Variants in SLC5A4 observed in about 807,000 individuals in gnomAD.
SLC5A4 encodes the protein solute carrier family 5 member 4, also known as probable glucose sensor protein SLC5A4.
SLC5A4 carries 55 observed loss-of-function variants against 70.3 expected under a neutral mutation model. The ratio of observed to expected loss-of-function variants is 0.78; its 90% CI spans 0.63 to 0.98. SLC5A4 has a LOEUF of 0.98. Among genes scored for constraint, SLC5A4 ranks in the 50% least tolerant of loss-of-function variants. The probability of loss-of-function intolerance (pLI) is 0.00; values close to 1 mark genes in which losing one functional copy is unlikely to be tolerated. For missense variants in SLC5A4, 735 were observed against 839.2 expected (o/e 0.88, Z 1.53); for synonymous variants, 268 against 305.7 (o/e 0.88, Z 1.29).
intron 7 of SLC5A4, among the ~76,000 whole-genome samples, 158 bp from the exon 8 acceptor site, chr22:32,235,251 C>T (rs550070523): frequency 1.2e-4 from 19 of 152,212 alleles, no homozygotes; most frequent in South Asian, 1.0e-3. Context: ...CTGGTACCTC[C>T]GCTGGCATTG....
At chr22:32,353,781 C>T in the SLC5A4 span, among the ~76,000 whole-genome samples, 1 of 150,808 alleles carries the variant, frequency 6.6e-6, no homozygotes. Context: ...ATAGCGCCCC[C>T]AATCCGCTCC....
At chr22:32,269,183 G>A in the SLC5A4 span, among the ~76,000 whole-genome samples, 1 of 152,174 alleles carries the variant, frequency 6.6e-6, no homozygotes, top group East Asian at 1.9e-4. The surrounding 1 kb of genome is among the most constrained non-coding windows in gnomAD (Gnocchi z 4.1). Flanking sequence ...GAGCCACCAC[G>A]AGCGGCTGCA....
the SLC5A4 span, chr22:32,270,772 GTCA>G: frequency 1.1e-5 from 7 of 620,696 alleles, no homozygotes; most frequent in Non-Finnish European, 2.1e-5. Flanking sequence ...CCCCTGCGTG[GTCA>G]TCATGAGTGC....
chr22:32,261,884 T>C, the SLC5A4 span, among the ~76,000 whole-genome samples: 3 of 152,206 alleles, frequency 2.0e-5, no homozygotes, highest in African/African-American at 7.2e-5. Flanking sequence ...AGTTCAACTG[T>C]TTTGATTTTT....
the SLC5A4 span, among the ~76,000 whole-genome samples, chr22:32,331,588 G>A: frequency 1.3e-5 from 2 of 152,160 alleles, no homozygotes; most frequent in Non-Finnish European, 2.9e-5. Flanking sequence ...AAGGCAAGCG[G>A]TGGGGTGGAG....
At chr22:32,310,365 G>C in the SLC5A4 span, among the ~76,000 whole-genome samples, 3 of 152,322 alleles carry the variant, frequency 2.0e-5, no homozygotes, top group East Asian at 5.8e-4. Flanking sequence ...GCTGCTCTCA[G>C]TGGCAGAGCT....
At chr22:32,285,727 A>C in the SLC5A4 span, among the ~76,000 whole-genome samples, 1 of 123,052 alleles carries the variant, frequency 8.1e-6, no homozygotes, top group African/African-American at 3.2e-5. Context: ...ATTTTATTTT[A>C]TTTTTTATTT....
chr22:32,336,758 G>A, the SLC5A4 span, among the ~76,000 whole-genome samples: 2 of 152,310 alleles, frequency 1.3e-5, no homozygotes, highest in South Asian at 4.1e-4. Flanking sequence ...TTTGGCTGAA[G>A]ACATTGATTT....
At chr22:32,238,927 G>A in intron 6 of SLC5A4, 58 bp downstream of exon 6, 1 of 1,157,288 alleles carries the variant, frequency 8.6e-7, no homozygotes. Flanking sequence ...GCTAATTGCA[G>A]GTTGGGGTGG....
Position 32,218,604 on chromosome 22 carries a change from C to T in SLC5A4, c.1890G>A (p.Thr630=), listed in dbSNP as rs755419066. 29 of 1,613,916 alleles carry T rather than the reference C, an allele frequency of 1.8e-5. No individual in the cohort carries two copies. Among genetic ancestry groups the T allele is most frequent in the Middle Eastern group, 1.7e-4 (1 of 6,060 alleles). ...EEALSKKLTD[T]SERPSWRTIV... ...TTGTCCTCCACGAGGGCCTCTCAGA[C>T]GTGTCTGTGAGCTTCTTGCTCAAGG... Residue 630 remains threonine, a synonymous_variant, in exon 15 of 15, where the codon ACG becomes ACA. Transcript: ENST00000266086.
At chr22:32,348,418 G>C in the SLC5A4 span, among the ~76,000 whole-genome samples, 10 of 152,188 alleles carry the variant, frequency 6.6e-5, no homozygotes, top group African/African-American at 2.4e-4. Flanking sequence ...TGAGTCTGGT[G>C]GGGGCCAGCA....
At chr22:32,302,615 C>A in the SLC5A4 span, among the ~76,000 whole-genome samples, 13 of 152,122 alleles carry the variant, frequency 8.5e-5, no homozygotes, top group Non-Finnish European at 1.8e-4. Context: ...GCCCCTTAGC[C>A]AAAAACCAAT....
the SLC5A4 span, among the ~76,000 whole-genome samples, chr22:32,307,820 G>A: frequency 8.5e-4 from 130 of 152,314 alleles, no homozygotes; most frequent in Non-Finnish European, 1.5e-3. Flanking sequence ...TGATTAGGGC[G>A]TCATCCAGGC....
chr22:32,352,722 G>A, the SLC5A4 span, among the ~76,000 whole-genome samples: 92 of 152,312 alleles, frequency 6.0e-4, 1 homozygote, highest in Non-Finnish European at 8.2e-4. Flanking sequence ...AACTAGCACC[G>A]ATGCTAATAC....
the SLC5A4 span, among the ~76,000 whole-genome samples, chr22:32,265,533 TTTG>T: frequency 6.6e-5 from 10 of 152,220 alleles, no homozygotes; most frequent in Non-Finnish European, 1.5e-5. Context: ...ATAGTAATTA[TTTG>T]TTGTCTACTT....
the SLC5A4 span, among the ~76,000 whole-genome samples, chr22:32,340,581 A>G: frequency 1.3e-5 from 2 of 152,174 alleles, no homozygotes; most frequent in Admixed American, 6.5e-5. Flanking sequence ...GGCTGCTTCT[A>G]TTTTGTAAAC....
chr22:32,278,458 GTCTT>G, the SLC5A4 span, among the ~76,000 whole-genome samples: 2 of 152,196 alleles, frequency 1.3e-5, no homozygotes, highest in Non-Finnish European at 2.9e-5. Flanking sequence ...ATATATCCCT[GTCTT>G]TACTGAGTTC....
rs779892611 is a variant in SLC5A4 at position 32,231,034 on chromosome 22, A to G, written c.1063T>C (p.Cys355Arg). 1.9e-6 allele frequency: 3 copies of G among 1,614,002 alleles called. No homozygotes were observed. The highest frequency in any genetic ancestry group is 2.2e-5 in the South Asian group (2 of 91,090). The change falls in exon 10 of 15, where the codon TGT becomes CGT. Residue 355 changes from cysteine (C) to arginine (R), a missense_variant. By Grantham distance (180) the Cys-to-Arg change is radical. Coordinates refer to ENST00000266086, the MANE Select transcript of SLC5A4 (RefSeq NM_014227.3). The stretch of plus-strand genomic sequence containing the variant: ...TTGGTGCAGCCAACATCAACGCCAC[A>G]GTGTTTCACGCATTCAGAAGGTACC... ...CVVPSECVKH[C>R]GVDVGCTNYA...
In SLC5A4 at chr22:32,229,179, C is replaced by T; in HGVS notation, c.1280+15G>A. 2 of 1,611,606 alleles carry T rather than the reference C, an allele frequency of 1.2e-6. No homozygotes were observed. Reference sequence around the variant, plus strand: ...TTCTCCAGAGGATTCTAGGTGGGAACCAGGGTTCACTCACCGTCCAGCTAT... The same window carrying T: ...TTCTCCAGAGGATTCTAGGTGGGAATCAGGGTTCACTCACCGTCCAGCTAT... On this transcript the variant is annotated intron_variant, in intron 11 of 14. Transcript: ENST00000266086.
Sources: allele counts gnomAD v4.1 joint callset (sites outside exome capture counted in the v4.1 genomes callset), GRCh38; gene constraint gnomAD v4.1.1; non-coding constraint Gnocchi (gnomAD v3.1); transcripts MANE v1.5; gene names NCBI Gene and HGNC (gene_info 2026-07-23, HGNC 2026-07-21).